Variants in FNIP2 observed in about 807,000 individuals in gnomAD.
FNIP2 encodes folliculin interacting protein 2.
A neutral mutation model predicts 108.7 loss-of-function variants in FNIP2; 32 were observed. That is an observed-to-expected ratio of 0.29 (90% CI 0.22 to 0.40). FNIP2 has a LOEUF of 0.40. Among genes scored for constraint, FNIP2 ranks in the 10% least tolerant of loss-of-function variants. The probability of loss-of-function intolerance (pLI) is 1.00; values close to 1 mark genes in which losing one functional copy is unlikely to be tolerated. For synonymous variants in FNIP2, 480 were observed against 496.7 expected (o/e 0.97, Z 0.45); for missense variants, 1,202 against 1,381.6 (o/e 0.87, Z 2.06).
At chr4:158,801,195 G>A (rs534103956) in intron 1 of FNIP2, among the ~76,000 whole-genome samples, 4 of 152,124 alleles carry the variant, frequency 2.6e-5, no homozygotes, top group Admixed American at 6.5e-5. Context: ...GAATCCTGGG[G>A]AGGCGGTAGG....
intron 8 of FNIP2, among the ~76,000 whole-genome samples, chr4:158,854,506 G>A (rs1223115859): frequency 6.6e-6 from 1 of 152,220 alleles, no homozygotes. Context: ...TCGGTGTCTG[G>A]GCTGCAAGCC....
intron 10 of FNIP2, among the ~76,000 whole-genome samples, chr4:158,860,719 C>T (rs961118830): frequency 5.6e-5 from 8 of 143,288 alleles, no homozygotes; most frequent in Non-Finnish European, 7.5e-5. Flanking sequence ...TGCAGTGGTG[C>T]GATCTCGGCT....
chr4:158,804,104 A>AT (rs1033787590), intron 1 of FNIP2, among the ~76,000 whole-genome samples: 3 of 151,756 alleles, frequency 2.0e-5, no homozygotes, highest in African/African-American at 7.3e-5. Flanking sequence ...CACCTGGCTA[A>AT]TTTTTTTGTA....
At chr4:158,775,678 A>G (rs1775838130) in intron 1 of FNIP2, among the ~76,000 whole-genome samples, 1 of 152,196 alleles carries the variant, frequency 6.6e-6, no homozygotes, top group Non-Finnish European at 1.5e-5. Flanking sequence ...GTGCCTTCTC[A>G]TGCATCATGC....
At chr4:158,826,073 CT>C (rs1381822478) in intron 2 of FNIP2, 31 bp downstream of exon 2, 1 of 1,592,246 alleles carries the variant, frequency 6.3e-7, no homozygotes, top group South Asian at 1.1e-5. Context: ...TTCTCCTTTT[CT>C]TTTGTGCTTT....
intron 1 of FNIP2, among the ~76,000 whole-genome samples, chr4:158,770,552 CGT>C (rs149605258): frequency 7.9e-5 from 12 of 151,328 alleles, no homozygotes; most frequent in Non-Finnish European, 7.4e-5. Context: ...GAAAATTAAA[CGT>C]GTGTGTGTGT....
At chr4:158,896,549 A>C (rs1219187923) in intron 16 of FNIP2, among the ~76,000 whole-genome samples, 1 of 152,148 alleles carries the variant, frequency 6.6e-6, no homozygotes, top group African/African-American at 2.4e-5. Context: ...CACTTGGGAG[A>C]AGAAAATATT....
intron 14 of FNIP2, chr4:158,890,059 CT>C: frequency 6.1e-6 from 6 of 985,340 alleles, no homozygotes; most frequent in Non-Finnish European, 7.2e-6. Context: ...AATCTTTGTA[CT>C]TTTCAGTTAA....
At chr4:158,778,576 C>T (rs187190888) in intron 1 of FNIP2, among the ~76,000 whole-genome samples, 9 of 152,118 alleles carry the variant, frequency 5.9e-5, no homozygotes, top group East Asian at 3.9e-4. Flanking sequence ...AAAGAGATCA[C>T]GTTCGCATAA....
At position 158,904,897 on chromosome 4, in the gene FNIP2, G is replaced by T. The variant is rs753052295; in HGVS notation, c.*353G>T. The T allele has an allele frequency of 4.6e-6, 1 of 215,090 alleles. No individual in the cohort carries two copies. The allele number at this position is 215,090 out of a possible 1,614,324, so 13.3% of individuals were successfully genotyped here. Reference sequence around the variant, plus strand: ...AATAAAGACAAGTGACTTGAGCGGGGTGGTCAGCAGTGTACATAATATTCC... The same window carrying T: ...AATAAAGACAAGTGACTTGAGCGGGTTGGTCAGCAGTGTACATAATATTCC... On this transcript the variant is annotated 3_prime_UTR_variant, in exon 17 of 17. Coordinates refer to ENST00000264433, the MANE Select transcript of FNIP2 (RefSeq NM_020840.3).
chr4:158,833,597 T>C lies in FNIP2; in HGVS notation c.624T>C (p.Ser208=), dbSNP rs1381716428. 1.1e-5 allele frequency: 17 copies of C among 1,612,216 alleles called. No individual in the cohort carries two copies. In the East Asian group the frequency reaches 3.6e-4, roughly 34 times the overall value. ...NLGKLNTNQN[S]LGPCRTGSNL... The stretch of plus-strand genomic sequence containing the variant: ...GAAAACTGAACACAAATCAAAATAG[T>C]TTGGGTCCTTGTCGTACTGGAAGTA... Residue 208 remains serine (S), a synonymous_variant, in exon 6 of 17, where the codon AGT becomes AGC. Transcript: ENST00000264433.
chr4:158,780,892 G>A (rs1156954140), intron 1 of FNIP2, among the ~76,000 whole-genome samples: 1 of 152,048 alleles, frequency 6.6e-6, no homozygotes, highest in Non-Finnish European at 1.5e-5. Flanking sequence ...AAAATTAGCC[G>A]GGTGTGGTGG....
intron 14 of FNIP2, 138 bp from the exon 15 acceptor site, chr4:158,891,308 C>A: frequency 1.4e-6 from 1 of 691,676 alleles, no homozygotes; most frequent in Non-Finnish European, 2.4e-6. Context: ...GCATAATTTA[C>A]CAGTTGTTAA....
At chr4:158,833,714 T>G (rs758239433) in intron 6 of FNIP2, 86 bp downstream of exon 6, 8 of 863,496 alleles carry the variant, frequency 9.3e-6, no homozygotes, top group Non-Finnish European at 1.1e-5. Flanking sequence ...TTGTCGTGGG[T>G]TTTTTTTTTT....
chr4:158,902,787 G>A lies in FNIP2; in HGVS notation c.3267-1679G>A, dbSNP rs184427056. Among the ~76,000 whole-genome samples the A allele has an allele frequency of 1.2e-4, 19 of 152,316 alleles. No individual in the cohort carries two copies. The East Asian group carries it at 3.5e-3, about 28-fold the overall frequency. On this transcript the variant is annotated intron_variant, in intron 16 of 16. Transcript: ENST00000264433. Reference sequence around the variant, plus strand: ...TTCCAGGCAGCTTTGTTTACACTGTGAGGCTAAACCGCTTACTCAAGTCTC... The same window carrying A: ...TTCCAGGCAGCTTTGTTTACACTGTAAGGCTAAACCGCTTACTCAAGTCTC...
intron 8 of FNIP2, among the ~76,000 whole-genome samples, chr4:158,853,393 A>G (rs1779806658): frequency 6.6e-6 from 1 of 152,202 alleles, no homozygotes; most frequent in Non-Finnish European, 1.5e-5. Flanking sequence ...TATTATTATT[A>G]TACTTTAAGT....
chr4:158,787,603 G>C (rs571068577), intron 1 of FNIP2, among the ~76,000 whole-genome samples: 21 of 152,294 alleles, frequency 1.4e-4, no homozygotes, highest in Admixed American at 9.8e-4. Flanking sequence ...AGTCCTATGA[G>C]TATGGCAAGT....
chr4:158,851,677 T>A (rs934093640), intron 8 of FNIP2, among the ~76,000 whole-genome samples: 10 of 152,172 alleles, frequency 6.6e-5, no homozygotes, highest in African/African-American at 2.4e-4. Context: ...AGTATCTGGG[T>A]AGTTGTATCA....
chr4:158,785,056 G>A (rs1266174299), intron 1 of FNIP2, among the ~76,000 whole-genome samples: 1 of 147,316 alleles, frequency 6.8e-6, no homozygotes, highest in African/African-American at 2.5e-5. Flanking sequence ...TTAAAAATAT[G>A]TGAATTTATT....
Sources: gnomAD v4.1 joint callset for allele counts (sites outside exome capture counted in the v4.1 genomes callset) on GRCh38, gnomAD v4.1.1 for gene constraint, MANE v1.5 for transcripts, NCBI Gene and HGNC (gene_info 2026-07-23, HGNC 2026-07-21) for gene names.